The following MAGI1 variants were observed in gnomAD, a reference collection of about 807,000 sequenced individuals.
The protein encoded by MAGI1 is membrane-associated guanylate kinase, WW and PDZ domain-containing protein 1.
Under a neutral mutation model 139.9 loss-of-function variants are expected in MAGI1, and 58 were observed. That is an observed-to-expected ratio of 0.41 (90% CI 0.34 to 0.52). MAGI1 has a LOEUF of 0.52. Among genes scored for constraint, MAGI1 ranks in the 20% least tolerant of loss-of-function variants. MAGI1 has a pLI of 0.12. For synonymous variants in MAGI1, 812 were observed against 737.9 expected (o/e 1.10, Z -1.63); for missense variants, 1,874 against 1,901.6 (o/e 0.99, Z 0.27).
chr3:65,722,364 G>A (rs960133707), intron 1 of MAGI1, among the ~76,000 whole-genome samples: 6 of 151,970 alleles, frequency 3.9e-5, no homozygotes, highest in South Asian at 2.1e-4. Context: ...ACAGTGGCTC[G>A]CACCTATAAT....
intron 1 of MAGI1, among the ~76,000 whole-genome samples, chr3:65,831,661 G>A (rs911350254): frequency 6.6e-5 from 10 of 152,200 alleles, no homozygotes; most frequent in African/African-American, 2.4e-4. Flanking sequence ...GATTCAGGCA[G>A]GAAACTCATG....
intron 1 of MAGI1, among the ~76,000 whole-genome samples, chr3:65,909,530 G>A (rs1450175493): frequency 6.6e-6 from 1 of 151,986 alleles, no homozygotes; most frequent in Non-Finnish European, 1.5e-5. Context: ...GCAAGACCCT[G>A]TCTCAAAAAA....
rs1217785302 is a variant in MAGI1 at position 65,970,728 on chromosome 3, G to C, written c.313+67268C>G. Among the ~76,000 whole-genome samples the C allele has an allele frequency of 2.0e-5, 3 of 152,132 alleles. No individual in the cohort carries two copies. In the East Asian group the frequency reaches 5.8e-4, roughly 29 times the overall value. On this transcript the variant is annotated intron_variant, in intron 1 of 22. Coordinates refer to ENST00000402939, the MANE Select transcript of MAGI1 (RefSeq NM_001033057.2). Reference sequence around the variant, plus strand: ...TGACTGAGAGAATGAGATCCTTGCTGTTGCAGGTTATGGGTTCCAGGGAAG... The same window carrying C: ...TGACTGAGAGAATGAGATCCTTGCTCTTGCAGGTTATGGGTTCCAGGGAAG...
intron 1 of MAGI1, among the ~76,000 whole-genome samples, chr3:65,828,699 GAT>G (rs2042361099): frequency 1.3e-5 from 2 of 152,190 alleles, no homozygotes; most frequent in Non-Finnish European, 2.9e-5. Flanking sequence ...ATTACAAAAG[GAT>G]TTTGCAATTT....
At chr3:66,033,427 T>C in intron 1 of MAGI1, among the ~76,000 whole-genome samples, 1 of 152,126 alleles carries the variant, frequency 6.6e-6, no homozygotes. Flanking sequence ...AATCAGGGTC[T>C]ACCCACTACT....
intron 1 of MAGI1, among the ~76,000 whole-genome samples, chr3:65,631,916 T>C (rs975669992): frequency 6.6e-6 from 1 of 151,910 alleles, no homozygotes; most frequent in Non-Finnish European, 1.5e-5. Flanking sequence ...TCCCAGCTAC[T>C]TGGGAGACTA....
chr3:65,595,892 C>A (rs540466213), intron 2 of MAGI1, among the ~76,000 whole-genome samples: 1 of 152,052 alleles, frequency 6.6e-6, no homozygotes, highest in Non-Finnish European at 1.5e-5. Context: ...ATCCCCTTTC[C>A]CAAAGCCAAA....
chr3:65,754,261 T>C (rs981442303), intron 1 of MAGI1, among the ~76,000 whole-genome samples: 2 of 152,190 alleles, frequency 1.3e-5, no homozygotes, highest in Non-Finnish European at 2.9e-5. Context: ...CACGATCTGA[T>C]GTAAAAACAA....
At chr3:65,761,087 C>T (rs1675529804) in intron 1 of MAGI1, among the ~76,000 whole-genome samples, 1 of 152,128 alleles carries the variant, frequency 6.6e-6, no homozygotes, top group Admixed American at 6.5e-5. Context: ...AAGAAGGGGA[C>T]CCTTCCACAG....
chr3:65,407,906 G>A (rs894184245), intron 12 of MAGI1, among the ~76,000 whole-genome samples: 1 of 152,148 alleles, frequency 6.6e-6, no homozygotes, highest in African/African-American at 2.4e-5. Context: ...AACAACTGGA[G>A]TTTGTTCTAT....
At chr3:65,964,531 G>A (rs983907415) in intron 1 of MAGI1, among the ~76,000 whole-genome samples, 1 of 151,990 alleles carries the variant, frequency 6.6e-6, no homozygotes, top group Admixed American at 6.6e-5. Context: ...GGTAGTGCGG[G>A]GGCGGGGGGA....
At chr3:65,907,929 C>A (rs190386916) in intron 1 of MAGI1, among the ~76,000 whole-genome samples, 4 of 152,160 alleles carry the variant, frequency 2.6e-5, no homozygotes, top group Non-Finnish European at 4.4e-5. Context: ...CGTGTTACCC[C>A]GGCTCCATCA....
At chr3:65,661,778 C>T (rs1156830894) in intron 1 of MAGI1, among the ~76,000 whole-genome samples, 6 of 111,422 alleles carry the variant, frequency 5.4e-5, no homozygotes, top group Non-Finnish European at 9.9e-5. Context: ...GATGGAGTCT[C>T]GCTCTGTTGC....
chr3:65,992,969 C>T (rs531754591), intron 1 of MAGI1, among the ~76,000 whole-genome samples: 1 of 152,228 alleles, frequency 6.6e-6, no homozygotes, highest in South Asian at 2.1e-4. Context: ...GGACTACAGG[C>T]ACACGCCATC....
Position 65,391,192 on chromosome 3 carries a change from G to T in MAGI1, c.2366C>A (p.Pro789Gln), listed in dbSNP as rs759154568. 1 of 1,614,158 alleles carries T rather than the reference G, an allele frequency of 6.2e-7. No individual in the cohort carries two copies. The highest frequency in any genetic ancestry group is 8.5e-7 in the Non-Finnish European group (1 of 1,180,040). The change falls in exon 14 of 23, where the codon CCA becomes CAA. Residue 789 changes from proline (P) to glutamine (Q), a missense_variant. Coordinates refer to ENST00000402939, the MANE Select transcript of MAGI1 (RefSeq NM_001033057.2). ...CTGGGCCCAGATTTTAAAAGGATCT[G>T]GTTTTTTCTGGCCAGAGCTGTCAGT... ...DQTDSSGQKK[P>Q]DPFKIWAQSR...
At chr3:65,775,586 A>C (rs1284559824) in intron 1 of MAGI1, among the ~76,000 whole-genome samples, 1 of 148,788 alleles carries the variant, frequency 6.7e-6, no homozygotes, top group Non-Finnish European at 1.5e-5. Flanking sequence ...AAAAATGTGC[A>C]GTTACATACA....
At chr3:65,859,838 G>A (rs1372218312) in intron 1 of MAGI1, among the ~76,000 whole-genome samples, 1 of 151,844 alleles carries the variant, frequency 6.6e-6, no homozygotes, top group Non-Finnish European at 1.5e-5. Flanking sequence ...GGTCCCCTCT[G>A]CTTTAACCCT....
intron 1 of MAGI1, among the ~76,000 whole-genome samples, chr3:65,941,661 C>T (rs1167081740): frequency 6.6e-6 from 1 of 151,732 alleles, no homozygotes; most frequent in Non-Finnish European, 1.5e-5. Context: ...AAATGAAAAC[C>T]CCAACTTTAA....
intron 2 of MAGI1, among the ~76,000 whole-genome samples, chr3:65,584,086 G>GAA (rs542674034): frequency 0.014 from 1,302 of 95,584 alleles, 41 homozygotes; most frequent in South Asian, 0.036. Flanking sequence ...ATCTACTCTT[G>GAA]AAAAAAAAAA....
Sources: gnomAD v4.1 joint callset for allele counts (sites outside exome capture counted in the v4.1 genomes callset) on GRCh38, gnomAD v4.1.1 for gene constraint, MANE v1.5 for transcripts, NCBI Gene and HGNC (gene_info 2026-07-23, HGNC 2026-07-21) for gene names.